The following CRPPA variants were observed in gnomAD, a reference collection of about 807,000 sequenced individuals.
CRPPA encodes CDP-L-ribitol pyrophosphorylase A.
In CRPPA, 43 loss-of-function variants were observed where a neutral mutation model predicts 52.0. The ratio of observed to expected loss-of-function variants is 0.83; its 90% CI spans 0.65 to 1.07. The LOEUF (loss-of-function observed/expected upper bound fraction) is 1.07, where lower values mean the gene tolerates loss of function less well. Ranked by LOEUF, CRPPA falls within the 50% of genes least tolerant of loss-of-function variation. The pLI, the probability that CRPPA is intolerant of heterozygous loss-of-function variation, is 0.00. For missense variants in CRPPA, 629 were observed against 551.7 expected (o/e 1.14, Z -1.40); for synonymous variants, 250 against 203.5 (o/e 1.23, Z -1.94).
intron 9 of CRPPA, among the ~76,000 whole-genome samples, chr7:16,131,919 G>A (rs531085009): frequency 6.6e-6 from 1 of 152,246 alleles, no homozygotes; most frequent in East Asian, 1.9e-4. Context: ...TTCAGGCTTG[G>A]GATCCCACCC....
rs183662899 is a variant in CRPPA, at chr7:16,164,743, G to A, written c.1251+51323C>T. ...TGATGCTATTGTTTTCTGTTTGTTA[G>A]TTTTCCTTCTAACAGGCCCCTCTTC... On this transcript the variant is annotated intron_variant, in intron 9 of 9. Transcript: ENST00000407010. 8.4e-3 allele frequency among the ~76,000 whole-genome samples: 1,273 copies of A among 152,282 alleles called. 69 individuals carry two copies. The highest frequency in any genetic ancestry group is 0.078 in the Admixed American group (1,186 of 15,280).
intron 8 of CRPPA, among the ~76,000 whole-genome samples, chr7:16,240,194 G>A (rs960747128): frequency 1.1e-4 from 16 of 150,200 alleles, no homozygotes; most frequent in African/African-American, 3.7e-4. Flanking sequence ...TTTTGTGTTA[G>A]AAATGAATCC....
rs574809192 is a variant in CRPPA at position 16,165,736 on chromosome 7, A to C, written c.1251+50330T>G. Among the ~76,000 whole-genome samples, 4 of 152,260 alleles carry C rather than the reference A, an allele frequency of 2.6e-5. No individual in the cohort carries two copies. In the South Asian group the frequency reaches 8.3e-4, roughly 32 times the overall value. ...CACCTTGCTTTCTCTTTTCTCCCCC[A>C]CCCACTCCCAGTTACACTGTTATAA... On this transcript the variant is annotated intron_variant, in intron 9 of 9. Transcript: ENST00000407010.
At chr7:16,203,645 T>C (rs541554975) in intron 9 of CRPPA, among the ~76,000 whole-genome samples, 109 of 152,140 alleles carry the variant, frequency 7.2e-4, no homozygotes, top group African/African-American at 1.3e-3. Context: ...AGAGAGGAAA[T>C]TGCCCTTTTA....
intron 6 of CRPPA, 38 bp downstream of exon 6, chr7:16,278,091 C>A: frequency 9.4e-7 from 1 of 1,061,012 alleles, no homozygotes; most frequent in Non-Finnish European, 1.4e-6. Flanking sequence ...AAGTTTTTGG[C>A]AATCAAAGTT....
chr7:16,412,927 C>T (rs1016966833), intron 1 of CRPPA, among the ~76,000 whole-genome samples: 5 of 152,160 alleles, frequency 3.3e-5, no homozygotes, highest in Non-Finnish European at 7.3e-5. Context: ...CAGGAATACT[C>T]GGCCCAGACA....
chr7:16,390,103 G>A (rs1333471668), intron 2 of CRPPA, among the ~76,000 whole-genome samples: 1 of 151,160 alleles, frequency 6.6e-6, no homozygotes, highest in African/African-American at 2.4e-5. Context: ...AAAATGTCCT[G>A]GCTTCTAATG....
chr7:16,095,149 T>A (rs534673689), intron 9 of CRPPA, among the ~76,000 whole-genome samples: 1 of 152,290 alleles, frequency 6.6e-6, no homozygotes, highest in South Asian at 2.1e-4. Context: ...AAAAAGATAT[T>A]TTTTAATTGA....
At chr7:16,308,273 A>G (rs950244083) in intron 4 of CRPPA, among the ~76,000 whole-genome samples, 2 of 152,188 alleles carry the variant, frequency 1.3e-5, no homozygotes, top group African/African-American at 4.8e-5. Flanking sequence ...AAAGCTATCT[A>G]CAGAGAGGAA....
At chr7:16,093,573 AC>A (rs1236652633) in intron 9 of CRPPA, among the ~76,000 whole-genome samples, 2 of 152,134 alleles carry the variant, frequency 1.3e-5, no homozygotes, top group East Asian at 3.9e-4. Flanking sequence ...CAGCTACTTC[AC>A]TTCTTGAAAG....
intron 3 of CRPPA, among the ~76,000 whole-genome samples, chr7:16,344,762 C>G (rs2128306756): frequency 2.7e-5 from 4 of 150,142 alleles, no homozygotes; most frequent in Admixed American, 2.7e-4. Flanking sequence ...CTTGCTCAGT[C>G]AAAAGAAAGA....
intron 4 of CRPPA, among the ~76,000 whole-genome samples, chr7:16,304,868 A>G: frequency 6.6e-6 from 1 of 152,192 alleles, no homozygotes; most frequent in East Asian, 1.9e-4. Context: ...TTACATGGTA[A>G]TAAAATGCCT....
chr7:16,268,513 T>G (rs11766323), intron 6 of CRPPA, among the ~76,000 whole-genome samples: 20,461 of 152,140 alleles, frequency 0.13, 1,543 homozygotes, highest in East Asian at 0.32. Context: ...AAAATTTCCC[T>G]CTCATACAAC....
intron 9 of CRPPA, among the ~76,000 whole-genome samples, chr7:16,150,366 T>C (rs1237367256): frequency 6.6e-6 from 1 of 152,186 alleles, no homozygotes; most frequent in Non-Finnish European, 1.5e-5. Flanking sequence ...AGAATAGATA[T>C]CCTCAACATT....
At chr7:16,136,897 G>A (rs915384220) in intron 9 of CRPPA, among the ~76,000 whole-genome samples, 8 of 151,894 alleles carry the variant, frequency 5.3e-5, no homozygotes, top group African/African-American at 1.9e-4. Flanking sequence ...ATATCTGATA[G>A]CTTTGAGCTC....
At chr7:16,323,855 A>T (rs956029479) in intron 3 of CRPPA, among the ~76,000 whole-genome samples, 1 of 152,208 alleles carries the variant, frequency 6.6e-6, no homozygotes, top group Non-Finnish European at 1.5e-5. Flanking sequence ...CAAATATATT[A>T]CCAGTGTTAT....
At chr7:16,360,714 C>A (rs62441925) in intron 3 of CRPPA, among the ~76,000 whole-genome samples, 39,568 of 152,000 alleles carry the variant, frequency 0.26, 5,493 homozygotes, top group Admixed American at 0.32. Flanking sequence ...GTGACATATA[C>A]AAAAGTTAAC....
At chr7:16,285,749 G>A (rs12537719) in intron 5 of CRPPA, among the ~76,000 whole-genome samples, 104,211 of 151,396 alleles carry the variant, frequency 0.69, 36,149 homozygotes, top group East Asian at 0.76. Context: ...TTGGCCAGGC[G>A]CGGTAGCTCA....
chr7:16,123,165 A>C (rs1223166572), intron 9 of CRPPA, among the ~76,000 whole-genome samples: 1 of 152,132 alleles, frequency 6.6e-6, no homozygotes, highest in African/African-American at 2.4e-5. Context: ...TTATAAATAT[A>C]ATTGATATTT....
Sources: gnomAD v4.1 joint callset for allele counts (sites outside exome capture counted in the v4.1 genomes callset) on GRCh38, gnomAD v4.1.1 for gene constraint, MANE v1.5 for transcripts, NCBI Gene and HGNC (gene_info 2026-07-23, HGNC 2026-07-21) for gene names.